Variants in MAST2 observed in about 807,000 individuals in gnomAD.
MAST2 encodes microtubule associated serine/threonine kinase 2, also known as microtubule-associated serine/threonine-protein kinase 2.
MAST2 carries 70 observed loss-of-function variants against 147.4 expected under a neutral mutation model. That is an observed-to-expected ratio of 0.47 (90% CI 0.39 to 0.58). MAST2 has a LOEUF of 0.58. Ranked by LOEUF, MAST2 falls within the 20% of genes least tolerant of loss-of-function variation. The pLI is 0.00. For missense variants in MAST2, 2,080 were observed against 2,302.3 expected, an observed-to-expected ratio of 0.90 and a Z score of 1.98; for synonymous variants, 869 against 896.8, an observed-to-expected ratio of 0.97 and a Z score of 0.55.
At chr1:45,898,687 C>T (rs1649188260) in intron 4 of MAST2, among the ~76,000 whole-genome samples, 1 of 152,146 alleles carries the variant, frequency 6.6e-6, no homozygotes, top group Non-Finnish European at 1.5e-5. Context: ...AGAGAATCTG[C>T]GCCATAGCCA....
In MAST2 at chr1:45,821,610, C is replaced by T. The variant is rs532495230; in HGVS notation, c.178-2823C>T. Among the ~76,000 whole-genome samples the T allele has an allele frequency of 2.1e-5, 3 of 142,706 alleles. No homozygotes were observed. In the South Asian group the frequency reaches 6.6e-4, roughly 32 times the overall value. The allele number at this position is 142,706 out of a possible 152,430, so 93.6% of individuals were successfully genotyped here. On this transcript the variant is annotated intron_variant, in intron 1 of 28. Transcript: ENST00000361297. The stretch of plus-strand genomic sequence containing the variant: ...TCTTGGCTCGCTGCAACCTCTGCCT[C>T]TTGGGTTCAAGTCATAACTGTGCCT...
chr1:45,857,459 C>G (rs187333631), intron 3 of MAST2, among the ~76,000 whole-genome samples: 1 of 152,276 alleles, frequency 6.6e-6, no homozygotes, highest in East Asian at 1.9e-4. Flanking sequence ...GTTTAAGCAA[C>G]AAATGAAAAA....
In MAST2 at chr1:46,034,920, C is replaced by T; in HGVS notation, c.4251C>T (p.Ala1417=). 1.2e-6 allele frequency: 2 copies of T among 1,614,182 alleles called. No homozygotes were observed. Among genetic ancestry groups the T allele is most frequent in the Non-Finnish European group, 1.7e-6 (2 of 1,180,044 alleles). Residue 1417 remains alanine (A), a synonymous_variant, in exon 29 of 29, where the codon GCC becomes GCT. Coordinates refer to ENST00000361297, the MANE Select transcript of MAST2 (RefSeq NM_015112.3). ...SAEKLAAALA[A]SEKKLATSRK... ...AGAAACTGGCAGCAGCACTTGCCGC[C>T]TCTGAGAAGAAGCTAGCCACTTCTC...
chr1:46,019,171 A>T (rs1487518143), intron 10 of MAST2, among the ~76,000 whole-genome samples: 1 of 151,676 alleles, frequency 6.6e-6, no homozygotes, highest in Non-Finnish European at 1.5e-5. Flanking sequence ...TCTTTAGTGT[A>T]CTCTCTACAC....
In MAST2 at chr1:45,937,677, G is replaced by A. The variant is rs868171490; in HGVS notation, c.501-21709G>A. Among the ~76,000 whole-genome samples, 63 of 138,764 alleles carry A rather than the reference G, an allele frequency of 4.5e-4. 1 individual carries two copies. In the Middle Eastern group the frequency reaches 0.045, roughly 99 times the overall value. 91.0% of individuals were successfully genotyped at this position (138,764 alleles called of 152,430 possible). On this transcript the variant is annotated intron_variant, in intron 4 of 28. Transcript: ENST00000361297. ...TGAGTCAGGAAAATCACTTGAACCC[G>A]GGAGGTGGAGGTTGCAGTGAGCCGA...
At chr1:45,980,813 A>T (rs960111495) in intron 5 of MAST2, among the ~76,000 whole-genome samples, 1 of 151,094 alleles carries the variant, frequency 6.6e-6, no homozygotes, top group Non-Finnish European at 1.5e-5. Flanking sequence ...TAGAATTACA[A>T]GTGTGAGCTA....
intron 3 of MAST2, among the ~76,000 whole-genome samples, chr1:45,875,160 T>C (rs1186318101): frequency 6.6e-6 from 1 of 152,130 alleles, no homozygotes; most frequent in East Asian, 1.9e-4. Flanking sequence ...AAAAAGTTAT[T>C]TTTGGCCGGG....
chr1:45,862,388 A>T (rs1424430861), intron 3 of MAST2, among the ~76,000 whole-genome samples: 6 of 152,142 alleles, frequency 3.9e-5, no homozygotes, highest in Non-Finnish European at 8.8e-5. Context: ...ACAATAAGGT[A>T]CTACTGAAGA....
At chr1:45,930,935 C>T (rs1220887548) in intron 4 of MAST2, among the ~76,000 whole-genome samples, 1 of 152,208 alleles carries the variant, frequency 6.6e-6, no homozygotes, top group Non-Finnish European at 1.5e-5. Context: ...AGTTTGACAG[C>T]CCTTGTCCTA....
chr1:45,878,604 A>G (rs1180536209), intron 3 of MAST2, among the ~76,000 whole-genome samples: 1 of 152,166 alleles, frequency 6.6e-6, no homozygotes, highest in Non-Finnish European at 1.5e-5. Flanking sequence ...TATAGAAAAA[A>G]TCTAAGGAAT....
chr1:45,914,016 A>T, intron 4 of MAST2: 1 of 436,540 alleles, frequency 2.3e-6, no homozygotes, highest in Non-Finnish European at 3.1e-6. Context: ...TGGCTTGATT[A>T]ATTCAAGGTC....
chr1:46,019,820 A>C lies in MAST2; in HGVS notation c.1290+123A>C. On this transcript the variant is annotated intron_variant, in intron 11 of 28. Transcript: ENST00000361297. ...TTTCTGTTGCTTAGGTCCTTATTTA[A>C]ATATGATTTGCCACCATTGGGGGAC... 3 of 812,606 alleles carry C rather than the reference A, an allele frequency of 3.7e-6. 1 individual carries two copies. The South Asian group carries it at 4.8e-5, about 13-fold the overall frequency. The allele number at this position is 812,606 out of a possible 1,614,324, so 50.3% of individuals were successfully genotyped here.
chr1:45,892,129 T>C (rs1647900583), intron 4 of MAST2, among the ~76,000 whole-genome samples: 1 of 152,236 alleles, frequency 6.6e-6, no homozygotes, highest in African/African-American at 2.4e-5. Context: ...ATGTGACCTT[T>C]CAGGCAAGCT....
At chr1:45,855,521 A>G (rs948277376) in intron 3 of MAST2, among the ~76,000 whole-genome samples, 1 of 152,076 alleles carries the variant, frequency 6.6e-6, no homozygotes, top group African/African-American at 2.4e-5. Context: ...GAACAGTCTC[A>G]GTCCCTCAGC....
rs561686653 is a variant in MAST2, at chr1:45,974,367, C to T, written c.592+14890C>T. 8.5e-5 allele frequency among the ~76,000 whole-genome samples: 13 copies of T among 152,220 alleles called. No individual in the cohort carries two copies. In the South Asian group the frequency reaches 2.5e-3, roughly 29 times the overall value. On this transcript the variant is annotated intron_variant, in intron 5 of 28. Transcript: ENST00000361297. ...ATCCCCACACTTCAGGAGGCCAAGG[C>T]GGGAGATCATGTCAGCCCAGTAGTT...
chr1:45,844,339 G>A (rs1645365249), intron 3 of MAST2, among the ~76,000 whole-genome samples: 5 of 151,978 alleles, frequency 3.3e-5, no homozygotes, highest in Admixed American at 2.0e-4. Flanking sequence ...TGCTGCCCAG[G>A]CTGGAGTGCA....
At chr1:45,936,873 C>G (rs991837844) in intron 4 of MAST2, among the ~76,000 whole-genome samples, 23 of 152,118 alleles carry the variant, frequency 1.5e-4, no homozygotes, top group Non-Finnish European at 2.5e-4. Context: ...GTCTCAGGGG[C>G]CTGCACATTT....
At chr1:45,957,949 C>A (rs936455952) in intron 4 of MAST2, among the ~76,000 whole-genome samples, 1 of 152,090 alleles carries the variant, frequency 6.6e-6, no homozygotes, top group African/African-American at 2.4e-5. Flanking sequence ...AGCAACGTTT[C>A]ATTTGGAGCT....
chr1:45,815,459 C>T (rs184206807), intron 1 of MAST2, among the ~76,000 whole-genome samples: 155 of 152,152 alleles, frequency 1.0e-3, no homozygotes, highest in African/African-American at 3.6e-3. Context: ...TGTGAGCCAC[C>T]GTGACTGGTC....
Sources: allele counts gnomAD v4.1 joint callset (sites outside exome capture counted in the v4.1 genomes callset), GRCh38; gene constraint gnomAD v4.1.1; transcripts MANE v1.5; gene names NCBI Gene and HGNC (gene_info 2026-07-23, HGNC 2026-07-21).